PLCB4: variants seen among roughly 807,000 people sequenced by gnomAD.
PLCB4 encodes the protein phospholipase C beta 4, also known as 1-phosphatidylinositol 4,5-bisphosphate phosphodiesterase beta-4.
A neutral mutation model predicts 178.8 loss-of-function variants in PLCB4; 77 were observed. The ratio of observed to expected loss-of-function variants is 0.43; its 90% CI spans 0.36 to 0.52. The LOEUF is 0.52. Among genes scored for constraint, PLCB4 ranks in the 20% least tolerant of loss-of-function variants. The pLI is 0.00. For missense variants in PLCB4, 1,024 were observed against 1,453.4 expected (o/e 0.70, Z 4.80); for synonymous variants, 496 against 490.8 (o/e 1.01, Z -0.14).
intron 4 of PLCB4, among the ~76,000 whole-genome samples, chr20:9,314,667 T>A (rs578197407): frequency 6.6e-6 from 1 of 152,252 alleles, no homozygotes; most frequent in African/African-American, 2.4e-5. Context: ...TAGTTAAAAA[T>A]ACATTGAATA....
intron 3 of PLCB4, 39 bp from the exon 4 acceptor site, chr20:9,307,761 C>A: frequency 1.1e-6 from 1 of 939,428 alleles, no homozygotes; most frequent in Non-Finnish European, 1.7e-6. Flanking sequence ...ATTGTTTTTT[C>A]ATTTTATATA....
chr20:9,069,436 ACT>A (rs1201243111), intron 1 of PLCB4, among the ~76,000 whole-genome samples: 1 of 151,258 alleles, frequency 6.6e-6, no homozygotes. Context: ...GTTTCCTCAG[ACT>A]CTCTCCAGAC....
chr20:9,201,510 A>T (rs565501255), intron 2 of PLCB4, among the ~76,000 whole-genome samples: 13 of 152,170 alleles, frequency 8.5e-5, no homozygotes, highest in Non-Finnish European at 1.6e-4. Flanking sequence ...CTGGAATCAG[A>T]TCTTCTGCAT....
At chr20:9,334,747 A>G (rs1601911938) in intron 4 of PLCB4, among the ~76,000 whole-genome samples, 1 of 152,068 alleles carries the variant, frequency 6.6e-6, no homozygotes, top group African/African-American at 2.4e-5. Context: ...ATTGGCAGGG[A>G]TAATCAAAAG....
At chr20:9,316,176 A>G (rs1484742800) in intron 4 of PLCB4, among the ~76,000 whole-genome samples, 5 of 152,144 alleles carry the variant, frequency 3.3e-5, no homozygotes, top group East Asian at 3.9e-4. Flanking sequence ...TCCCCAAGCC[A>G]GCATCATCAG....
chr20:9,115,238 C>G (rs964746458), intron 2 of PLCB4, among the ~76,000 whole-genome samples: 1 of 151,916 alleles, frequency 6.6e-6, no homozygotes, highest in Non-Finnish European at 1.5e-5. Context: ...TTTTGTAAAT[C>G]CTGAATAAAT....
intron 2 of PLCB4, among the ~76,000 whole-genome samples, chr20:9,157,071 T>C (rs992237739): frequency 6.6e-6 from 1 of 151,896 alleles, no homozygotes; most frequent in Non-Finnish European, 1.5e-5. Flanking sequence ...CCAAAATGCC[T>C]GCTAAATGGA....
chr20:9,385,151 A>G (rs1485928985), intron 14 of PLCB4, among the ~76,000 whole-genome samples: 1 of 152,240 alleles, frequency 6.6e-6, no homozygotes, highest in Non-Finnish European at 1.5e-5. Context: ...ACAGCATCCC[A>G]AGGCAGAAGA....
At chr20:9,387,300 T>C (rs2037761165) in intron 14 of PLCB4, among the ~76,000 whole-genome samples, 163 bp from the exon 15 acceptor site, 2 of 152,234 alleles carry the variant, frequency 1.3e-5, no homozygotes, top group Non-Finnish European at 2.9e-5. Context: ...ATGAGGAATA[T>C]AATGTGGTTT....
intron 3 of PLCB4, among the ~76,000 whole-genome samples, chr20:9,267,581 CT>C (rs1353891931): frequency 6.6e-6 from 1 of 150,686 alleles, no homozygotes; most frequent in African/African-American, 2.5e-5. Flanking sequence ...AGTTATTGAC[CT>C]TTTTGGGGGG....
intron 32 of PLCB4, among the ~76,000 whole-genome samples, chr20:9,448,464 A>C (rs1568859383): frequency 6.6e-6 from 1 of 152,130 alleles, no homozygotes; most frequent in Non-Finnish European, 1.5e-5. Flanking sequence ...GTCTATATCC[A>C]GCAACTGTAG....
chr20:9,423,644 C>T, intron 27 of PLCB4, 104 bp from the exon 28 acceptor site: 1 of 836,806 alleles, frequency 1.2e-6, no homozygotes, highest in Non-Finnish European at 2.0e-6. Context: ...CTTTCAACAT[C>T]AGGGAACATT....
intron 1 of PLCB4, among the ~76,000 whole-genome samples, chr20:9,093,123 T>C (rs759178645): frequency 5.3e-5 from 8 of 152,146 alleles, no homozygotes; most frequent in Non-Finnish European, 8.8e-5. Flanking sequence ...CATAAGGCCT[T>C]AGGATATACC....
chr20:9,257,186 C>T (rs866140714), intron 3 of PLCB4, among the ~76,000 whole-genome samples: 3 of 152,118 alleles, frequency 2.0e-5, no homozygotes, highest in African/African-American at 7.2e-5. Flanking sequence ...TATTCTGTTT[C>T]TGGAAACAGG....
At chr20:9,234,237 A>C (rs1426904984) in intron 3 of PLCB4, among the ~76,000 whole-genome samples, 1 of 152,156 alleles carries the variant, frequency 6.6e-6, no homozygotes, top group African/African-American at 2.4e-5. Flanking sequence ...GTTCTGCTTT[A>C]AACTTTAAAG....
chr20:9,314,457 G>C (rs1209258606), intron 4 of PLCB4, among the ~76,000 whole-genome samples: 4 of 152,236 alleles, frequency 2.6e-5, no homozygotes, highest in Middle Eastern at 3.4e-3. Context: ...GAGTATGTGA[G>C]AGAATAAGTG....
intron 3 of PLCB4, among the ~76,000 whole-genome samples, chr20:9,234,776 G>A (rs542842307): frequency 9.4e-4 from 143 of 152,230 alleles, no homozygotes; most frequent in African/African-American, 3.2e-3. Context: ...TTGAGAAAGG[G>A]CATAGGAAAA....
chr20:9,075,961 AG>A (rs1273899383), intron 1 of PLCB4, among the ~76,000 whole-genome samples: 3 of 152,166 alleles, frequency 2.0e-5, no homozygotes, highest in Non-Finnish European at 4.4e-5. Context: ...ACATGTCAAT[AG>A]TTTTTGTTTT....
chr20:9,178,407 A>T (rs1487889137), intron 2 of PLCB4, among the ~76,000 whole-genome samples: 1 of 152,098 alleles, frequency 6.6e-6, no homozygotes, highest in African/African-American at 2.4e-5. Flanking sequence ...GAGTTCAGAG[A>T]TTGAAACTTT....
Sources: allele counts gnomAD v4.1 joint callset (sites outside exome capture counted in the v4.1 genomes callset), GRCh38; gene constraint gnomAD v4.1.1; transcripts MANE v1.5; gene names NCBI Gene and HGNC (gene_info 2026-07-23, HGNC 2026-07-21).